Variants in PLCG2 observed in about 807,000 individuals in gnomAD.
PLCG2 encodes the protein phospholipase C gamma 2.
PLCG2 carries 69 observed loss-of-function variants against 175.6 expected under a neutral mutation model. The observed-to-expected ratio is 0.39, with a 90% CI of 0.32 to 0.48. PLCG2 has a LOEUF of 0.48. PLCG2 is among the 20% of genes least tolerant of loss of function. PLCG2 has a pLI of 0.91. For missense variants in PLCG2, 1,798 were observed against 1,650.9 expected (o/e 1.09, Z -1.54); for synonymous variants, 827 against 624.0 (o/e 1.33, Z -4.85).
rs370547009 is a variant in PLCG2 at position 81,956,795 on chromosome 16, G to A, written c.3671G>A (p.Arg1224His). The A allele has an allele frequency of 1.2e-4, 192 of 1,614,158 alleles. No homozygotes were observed. In the African/African-American group the frequency reaches 2.1e-3, roughly 17 times the overall value. Residue 1224 changes from arginine (R) to histidine (H), a missense_variant, in exon 32 of 33, where the codon CGC becomes CAC. Transcript: ENST00000564138. ...CTGTATGACACACACCAGAACTTGC[G>A]CAATGCCAACCGGGATGCCCTGGTT... Reference protein sequence around the residue: ...LFLYDTHQNLRNANRDALVKE... With the variant: ...LFLYDTHQNLHNANRDALVKE...
At chr16:81,750,026 GAAT>G (rs1316559641) in intron 1 of PLCG2, among the ~76,000 whole-genome samples, 1 of 151,188 alleles carries the variant, frequency 6.6e-6, no homozygotes, top group Non-Finnish European at 1.5e-5. Flanking sequence ...AACAACAGTA[GAAT>G]AATATGATCC....
At chr16:81,932,598 G>C (rs866575200) in intron 25 of PLCG2, among the ~76,000 whole-genome samples, 13 of 152,308 alleles carry the variant, frequency 8.5e-5, no homozygotes, top group Middle Eastern at 3.4e-3. Flanking sequence ...TCACCCACCA[G>C]TGGCCAGGTC....
chr16:81,747,708 C>CA (rs1253120250), intron 1 of PLCG2, among the ~76,000 whole-genome samples: 2 of 151,642 alleles, frequency 1.3e-5, no homozygotes, highest in Non-Finnish European at 2.9e-5. Flanking sequence ...AATATTCTTG[C>CA]AAAAAAATGT....
chr16:81,846,032 G>C (rs1651932425), intron 2 of PLCG2, among the ~76,000 whole-genome samples: 1 of 152,190 alleles, frequency 6.6e-6, no homozygotes, highest in Non-Finnish European at 1.5e-5. Flanking sequence ...GGAACGATGA[G>C]TTAATACAGA....
chr16:81,848,495 A>C (rs562383322), intron 2 of PLCG2, among the ~76,000 whole-genome samples: 2 of 152,112 alleles, frequency 1.3e-5, no homozygotes, highest in African/African-American at 4.8e-5. Flanking sequence ...GCCTTTGTAC[A>C]TGTGCGTTTG....
At chr16:81,952,924 C>A (rs76250136) in intron 31 of PLCG2, among the ~76,000 whole-genome samples, 2 of 152,270 alleles carry the variant, frequency 1.3e-5, no homozygotes, top group East Asian at 3.9e-4. Context: ...AGCGGATAGA[C>A]CCTGCAGCTA....
At chr16:81,946,053 C>A in intron 30 of PLCG2, 122 bp from the exon 31 acceptor site, 1 of 743,924 alleles carries the variant, frequency 1.3e-6, no homozygotes, top group Non-Finnish European at 2.4e-6. Flanking sequence ...CAGCCCCCAG[C>A]ATGGGGCACT....
intron 2 of PLCG2, among the ~76,000 whole-genome samples, chr16:81,800,706 C>G (rs1354679251): frequency 6.6e-6 from 1 of 152,002 alleles, no homozygotes; most frequent in Non-Finnish European, 1.5e-5. Flanking sequence ...TTCCAACCCT[C>G]TATGATAGGC....
At chr16:81,914,147 G>T (rs1312809803) in intron 19 of PLCG2, among the ~76,000 whole-genome samples, 1 of 152,212 alleles carries the variant, frequency 6.6e-6, no homozygotes, top group East Asian at 1.9e-4. Context: ...GCCCCAGGTG[G>T]GGTGTTGGCA....
chr16:81,907,548 A>G (rs1909428257), intron 15 of PLCG2, 137 bp from the exon 16 acceptor site: 1 of 543,594 alleles, frequency 1.8e-6, no homozygotes, highest in Non-Finnish European at 3.3e-6. Context: ...AATTCAGAGA[A>G]TTCGCCATAA....
chr16:81,858,438 GA>G (rs67392656), intron 4 of PLCG2, 82 bp downstream of exon 4: 7,683 of 576,990 alleles, frequency 0.013, 10 homozygotes, highest in East Asian at 0.12. Flanking sequence ...CTACAGGGGG[GA>G]AAAAAAAAAA....
chr16:81,778,051 A>ACAAAC (rs1597311877), upstream of PLCG2, among the ~76,000 whole-genome samples: 83 of 79,146 alleles, frequency 1.0e-3, no homozygotes, highest in African/African-American at 4.7e-3. Context: ...AACAAAAAAA[A>ACAAAC]AAACAAAAAA....
In PLCG2 at chr16:81,785,958, C is replaced by A. The variant is rs552409251; in HGVS notation, c.-32C>A. 1 of 1,594,356 alleles carries A rather than the reference C, an allele frequency of 6.3e-7. No individual in the cohort carries two copies. Among genetic ancestry groups the A allele is most frequent in the Non-Finnish European group, 8.6e-7 (1 of 1,166,166 alleles). ...GCCCTTTCAGCTTCCTGATTTCTCC[C>A]GATTCCTTCCTTCTCCCTGGAGCGG... On this transcript the variant is annotated 5_prime_UTR_variant, in exon 2 of 33. Coordinates refer to ENST00000564138, the MANE Select transcript of PLCG2 (RefSeq NM_002661.5).
At chr16:81,820,987 C>T (rs568170930) in intron 2 of PLCG2, among the ~76,000 whole-genome samples, 48 of 145,300 alleles carry the variant, frequency 3.3e-4, no homozygotes, top group Non-Finnish European at 6.1e-4. Context: ...GAACTCCTGA[C>T]GTCAAATGAT....
chr16:81,789,770 C>A (rs1040222100), intron 2 of PLCG2, among the ~76,000 whole-genome samples: 1 of 152,074 alleles, frequency 6.6e-6, no homozygotes. Context: ...ACTGCCCTTC[C>A]TCCACCTTCC....
chr16:81,745,743 G>A (rs1909691735), intron 1 of PLCG2, among the ~76,000 whole-genome samples: 1 of 152,228 alleles, frequency 6.6e-6, no homozygotes, highest in Admixed American at 6.5e-5. Context: ...GACCTTGGCT[G>A]ACATTAGGGT....
At chr16:81,896,882 A>G (rs1435217211) in intron 13 of PLCG2, among the ~76,000 whole-genome samples, 1 of 152,228 alleles carries the variant, frequency 6.6e-6, no homozygotes, top group East Asian at 1.9e-4. Flanking sequence ...ATGGGTGAGA[A>G]CATTTAGGTT....
intron 2 of PLCG2, among the ~76,000 whole-genome samples, chr16:81,805,388 A>G (rs909307347): frequency 2.0e-5 from 3 of 151,484 alleles, no homozygotes; most frequent in African/African-American, 7.3e-5. Flanking sequence ...AGTCCCAGCT[A>G]CTCAGGAGGC....
chr16:81,793,797 C>G (rs971691770), intron 2 of PLCG2, among the ~76,000 whole-genome samples: 1 of 152,164 alleles, frequency 6.6e-6, no homozygotes, highest in Admixed American at 6.5e-5. Context: ...GAAGGGGGAG[C>G]TATCCCTGCT....
Sources: gnomAD v4.1 joint callset for allele counts (sites outside exome capture counted in the v4.1 genomes callset) on GRCh38, gnomAD v4.1.1 for gene constraint, MANE v1.5 for transcripts, NCBI Gene and HGNC (gene_info 2026-07-23, HGNC 2026-07-21) for gene names.